Variants in SMIM35 observed in about 807,000 individuals in gnomAD.
The protein encoded by SMIM35 is small integral membrane protein 35, also known as TMPRSS4 antisense RNA 1 (non-protein coding).
chr11:118,030,437 C>A (rs538126840), intron 1 of SMIM35, among the ~76,000 whole-genome samples: 57 of 152,090 alleles, frequency 3.7e-4, no homozygotes, highest in African/African-American at 1.3e-3. Flanking sequence ...AAGTGAAAAC[C>A]AAAAATATTT....
chr11:118,019,733 G>A (rs558229422), intron 1 of SMIM35, among the ~76,000 whole-genome samples: 8 of 147,534 alleles, frequency 5.4e-5, no homozygotes, highest in South Asian at 4.3e-4. Context: ...TTACAGTTTC[G>A]GACTTTAATC....
rs77183921 is a variant in SMIM35, at chr11:118,020,598, C to T, written c.8-4789G>A. Reference sequence around the variant, plus strand: ...ATTTGTCCCTTAAAGGTTTGGTACTCTTCTTGCTAGATTTATTCCTCAGTA... The same window carrying T: ...ATTTGTCCCTTAAAGGTTTGGTACTTTTCTTGCTAGATTTATTCCTCAGTA... On this transcript the variant is annotated intron_variant, in intron 1 of 4. Coordinates refer to ENST00000689828, the MANE Select transcript of SMIM35 (RefSeq NM_001394165.1). 6.1e-3 allele frequency among the ~76,000 whole-genome samples: 930 copies of T among 152,278 alleles called. 8 individuals are homozygous for T. The highest frequency in any genetic ancestry group is 0.021 in the African/African-American group (887 of 41,564).
intron 2 of SMIM35, among the ~76,000 whole-genome samples, 176 bp downstream of exon 2, chr11:118,015,517 C>T (rs2058175269): frequency 6.6e-6 from 1 of 152,224 alleles, no homozygotes; most frequent in African/African-American, 2.4e-5. Flanking sequence ...ATTGCCCCAC[C>T]TCACCACCTC....
chr11:118,085,048 G>T (rs1309896836), intron 1 of SMIM35, among the ~76,000 whole-genome samples: 1 of 152,116 alleles, frequency 6.6e-6, no homozygotes, highest in Non-Finnish European at 1.5e-5. Flanking sequence ...GCTTGCAAAG[G>T]TGCTGAAAAT....
At chr11:118,015,006 AC>A (rs2058172075) in intron 2 of SMIM35, among the ~76,000 whole-genome samples, 1 of 152,208 alleles carries the variant, frequency 6.6e-6, no homozygotes, top group Non-Finnish European at 1.5e-5. Context: ...TTCTAACTCC[AC>A]GACTTTAGCC....
At chr11:118,071,335 T>C (rs1393547720) in intron 1 of SMIM35, among the ~76,000 whole-genome samples, 1 of 152,206 alleles carries the variant, frequency 6.6e-6, no homozygotes, top group African/African-American at 2.4e-5. Flanking sequence ...TACAGATAAT[T>C]GAGGCTCAAT....
At chr11:118,059,281 AG>A (rs147672538) in intron 1 of SMIM35, 6,186 of 152,400 alleles carry the variant, frequency 0.041, 305 homozygotes, top group African/African-American at 0.12. Flanking sequence ...AGAAGAGGGA[AG>A]GTCACATGAA....
chr11:118,039,743 T>C (rs1281994962), intron 1 of SMIM35, among the ~76,000 whole-genome samples: 2 of 151,114 alleles, frequency 1.3e-5, no homozygotes, highest in East Asian at 2.0e-4. Flanking sequence ...AGAAAACTTA[T>C]CAAATTTATT....
chr11:118,066,670 A>G (rs1028465202), intron 1 of SMIM35, among the ~76,000 whole-genome samples: 1 of 152,148 alleles, frequency 6.6e-6, no homozygotes, highest in Non-Finnish European at 1.5e-5. Context: ...ACTTGAGACT[A>G]TACTTCAAAT....
intron 1 of SMIM35, among the ~76,000 whole-genome samples, chr11:118,019,444 A>G (rs1591278019): frequency 6.6e-6 from 1 of 152,308 alleles, no homozygotes; most frequent in Middle Eastern, 3.4e-3. Context: ...ATTTAAGTTC[A>G]GGGAAGCCCA....
At chr11:118,014,582 T>C (rs2058168967) in intron 3 of SMIM35, 126 bp downstream of exon 3, 1 of 397,812 alleles carries the variant, frequency 2.5e-6, no homozygotes, top group Non-Finnish European at 4.4e-6. Context: ...CTTCTTTTAT[T>C]TTCTTAGGGG....
At chr11:118,016,388 GGA>G (rs1165028163) in intron 1 of SMIM35, among the ~76,000 whole-genome samples, 1 of 152,256 alleles carries the variant, frequency 6.6e-6, no homozygotes. Context: ...GAAACCTGCA[GGA>G]GATGAGATAG....
chr11:118,066,524 A>G (rs1223398389), intron 1 of SMIM35, among the ~76,000 whole-genome samples: 1 of 152,212 alleles, frequency 6.6e-6, no homozygotes, highest in Non-Finnish European at 1.5e-5. Flanking sequence ...GATCTCTGTC[A>G]GTAACAAAAG....
At chr11:118,031,287 T>C (rs1178085207) in intron 1 of SMIM35, among the ~76,000 whole-genome samples, 1 of 152,190 alleles carries the variant, frequency 6.6e-6, no homozygotes. Flanking sequence ...TGTCCCAATA[T>C]CAACAGACAC....
chr11:118,058,403 T>G (rs1944347887), intron 1 of SMIM35, among the ~76,000 whole-genome samples: 1 of 152,062 alleles, frequency 6.6e-6, no homozygotes, highest in Admixed American at 6.5e-5. Flanking sequence ...GAGCTGCACA[T>G]GGACCCAAGG....
chr11:118,024,559 A>C (rs2058258858), intron 1 of SMIM35, among the ~76,000 whole-genome samples: 1 of 148,902 alleles, frequency 6.7e-6, no homozygotes, highest in Non-Finnish European at 1.5e-5. Context: ...TGCAACCTCG[A>C]CCTCCCAGGT....
intron 4 of SMIM35, among the ~76,000 whole-genome samples, chr11:118,013,044 C>G (rs575263586): frequency 3.3e-5 from 5 of 152,248 alleles, no homozygotes; most frequent in Admixed American, 2.0e-4. Context: ...GAATGGTGGC[C>G]TCTTTTAGTT....
At chr11:118,067,730 G>C (rs922348328) in intron 1 of SMIM35, among the ~76,000 whole-genome samples, 1 of 151,284 alleles carries the variant, frequency 6.6e-6, no homozygotes, top group Non-Finnish European at 1.5e-5. Context: ...TTCTCGGGAG[G>C]CTGAGGTGGG....
At chr11:118,062,719 C>T (rs541529130) in intron 1 of SMIM35, among the ~76,000 whole-genome samples, 10 of 152,342 alleles carry the variant, frequency 6.6e-5, no homozygotes, top group Non-Finnish European at 1.0e-4. Context: ...TGACTTCCAT[C>T]TGTTTTTCTG....
Sources: gnomAD v4.1 joint callset for allele counts (sites outside exome capture counted in the v4.1 genomes callset) on GRCh38, gnomAD v4.1.1 for gene constraint, MANE v1.5 for transcripts, NCBI Gene and HGNC (gene_info 2026-07-23, HGNC 2026-07-21) for gene names.